Variants in PTBP3 observed in about 807,000 individuals in gnomAD.
PTBP3 encodes polypyrimidine tract binding protein 3.
PTBP3 carries 20 observed loss-of-function variants against 58.7 expected under a neutral mutation model. The observed-to-expected ratio is 0.34, with a 90% CI of 0.24 to 0.50. The LOEUF is 0.50. Ranked by LOEUF, PTBP3 falls within the 20% of genes least tolerant of loss-of-function variation. PTBP3 has a pLI of 0.98. For missense variants in PTBP3, 509 were observed against 637.2 expected (o/e 0.80, Z 2.17); for synonymous variants, 185 against 219.8 (o/e 0.84, Z 1.40).
chr9:112,336,661 C>T (rs1830580170), upstream of PTBP3, among the ~76,000 whole-genome samples: 1 of 151,880 alleles, frequency 6.6e-6, no homozygotes, highest in African/African-American at 2.4e-5. Flanking sequence ...TTATGTCTCT[C>T]TTACCCTTTG....
At chr9:112,359,837 C>T in the PTBP3 span, among the ~76,000 whole-genome samples, 1 of 75,822 alleles carries the variant, frequency 1.3e-5, no homozygotes, top group Admixed American at 1.5e-4. Context: ...AAAAACAAAA[C>T]ACCAAAAAAA....
the PTBP3 span, among the ~76,000 whole-genome samples, chr9:112,376,581 G>T: frequency 6.6e-6 from 1 of 151,978 alleles, no homozygotes; most frequent in Admixed American, 6.6e-5. Context: ...TGATCACAAG[G>T]TCCCATAATA....
At chr9:112,305,439 T>A (rs991780681) in intron 1 of PTBP3, among the ~76,000 whole-genome samples, 3 of 152,042 alleles carry the variant, frequency 2.0e-5, no homozygotes, top group African/African-American at 7.2e-5. Context: ...TATGCCTATA[T>A]AATAGAGTTC....
rs79560083 is a variant in PTBP3, at chr9:112,235,585, G to T, written c.803-688C>A. On this transcript the variant is annotated intron_variant, in intron 7 of 13. Coordinates refer to ENST00000374257, the MANE Select transcript of PTBP3 (RefSeq NM_001163788.4). The stretch of plus-strand genomic sequence containing the variant: ...GTTTTAGCAGACAAATGATTAATTT[G>T]GTTTGGGGGAACATCAAATTTAAGA... Among the ~76,000 whole-genome samples the T allele has an allele frequency of 3.4e-3, 521 of 152,246 alleles. 2 individuals carry two copies. The highest frequency in any genetic ancestry group is 0.012 in the African/African-American group (499 of 41,532).
chr9:112,313,821 A>G (rs117070516), intron 1 of PTBP3, among the ~76,000 whole-genome samples: 8 of 152,300 alleles, frequency 5.3e-5, no homozygotes, highest in Non-Finnish European at 1.2e-4. Context: ...ACCTATCTTA[A>G]ACATAGATAG....
chr9:112,247,858 TACTC>T (rs1835950078), intron 7 of PTBP3, among the ~76,000 whole-genome samples: 2 of 152,160 alleles, frequency 1.3e-5, no homozygotes, highest in African/African-American at 4.8e-5. Flanking sequence ...ATCTGCAACT[TACTC>T]AAGTGGTTTG....
At chr9:112,226,715 G>A (rs908957693) in intron 12 of PTBP3, among the ~76,000 whole-genome samples, 17 of 152,196 alleles carry the variant, frequency 1.1e-4, no homozygotes, top group Non-Finnish European at 8.8e-5. Flanking sequence ...TAAGTAACAC[G>A]TAAGTGAATG....
intron 1 of PTBP3, among the ~76,000 whole-genome samples, chr9:112,322,371 T>G (rs892932454): frequency 6.6e-6 from 1 of 152,140 alleles, no homozygotes; most frequent in East Asian, 1.9e-4. Flanking sequence ...GAAACACTTG[T>G]GAAAGTCACA....
chr9:112,376,843 G>T, the PTBP3 span, among the ~76,000 whole-genome samples: 1 of 152,076 alleles, frequency 6.6e-6, no homozygotes, highest in South Asian at 2.1e-4. Flanking sequence ...ATGTCCTTTG[G>T]CAATACCCTC....
At chr9:112,258,733 G>A (rs7027240) in intron 5 of PTBP3, among the ~76,000 whole-genome samples, 85,188 of 151,930 alleles carry the variant, frequency 0.56, 25,756 homozygotes, top group African/African-American at 0.81. Context: ...AGAAGCCTGT[G>A]TAGGTGGCCC....
the PTBP3 span, among the ~76,000 whole-genome samples, chr9:112,367,829 T>C: frequency 6.6e-6 from 1 of 152,198 alleles, no homozygotes; most frequent in Admixed American, 6.5e-5. Flanking sequence ...GGATGTTCAT[T>C]TCCCTTCCCA....
chr9:112,226,027 G>C (rs1564386068), intron 12 of PTBP3, among the ~76,000 whole-genome samples: 1 of 152,058 alleles, frequency 6.6e-6, no homozygotes, highest in Non-Finnish European at 1.5e-5. Context: ...CTGGGCAACA[G>C]AGGGAGACCC....
rs527667322 is a variant in PTBP3, at chr9:112,219,330, C to CA, written c.*4520dup. 1 of 152,042 alleles carries CA rather than the reference C, an allele frequency of 6.6e-6. No individual in the cohort carries two copies. The highest frequency in any genetic ancestry group is 2.1e-4 in the South Asian group (1 of 4,798). The allele number at this position is 152,042 out of a possible 1,614,324, so 9.4% of individuals were successfully genotyped here. On this transcript the variant is annotated 3_prime_UTR_variant, in exon 14 of 14. Transcript: ENST00000374257. The stretch of plus-strand genomic sequence containing the variant: ...CAGAGTATGATTTTTTTAATGGCAT[C>CA]AAAAAAATAGCTATTTAAATATTTG...
At chr9:112,295,018 T>A (rs922932191) in intron 2 of PTBP3, among the ~76,000 whole-genome samples, 2 of 152,150 alleles carry the variant, frequency 1.3e-5, no homozygotes, top group African/African-American at 4.8e-5. Flanking sequence ...TGCAGGTGGA[T>A]CACTCGAGGT....
At chr9:112,363,516 T>TCACACACACA in the PTBP3 span, among the ~76,000 whole-genome samples, 1,119 of 134,838 alleles carry the variant, frequency 8.3e-3, 12 homozygotes, top group East Asian at 0.02. Flanking sequence ...AGCAAAACTG[T>TCACACACACA]CACACACACA....
intron 1 of PTBP3, among the ~76,000 whole-genome samples, chr9:112,318,539 C>G (rs979139820): frequency 1.2e-4 from 18 of 152,162 alleles, no homozygotes; most frequent in African/African-American, 4.3e-4. Context: ...GTGGGCAGAT[C>G]ACTTGAGGTC....
At chr9:112,345,341 TAAAAAAAA>T in the PTBP3 span, among the ~76,000 whole-genome samples, 9 of 63,696 alleles carry the variant, frequency 1.4e-4, no homozygotes, top group African/African-American at 1.1e-4. Context: ...CCCTCATCTC[TAAAAAAAA>T]AAAAAAAAAA....
downstream of PTBP3, chr9:112,217,845 A>G (rs1564377322): frequency 6.6e-6 from 1 of 152,222 alleles, no homozygotes; most frequent in Admixed American, 6.5e-5. Flanking sequence ...GGAGACTAAA[A>G]TATACAATGA....
intron 3 of PTBP3, chr9:112,272,908 G>C (rs541396710): frequency 6.6e-6 from 1 of 152,236 alleles, no homozygotes; most frequent in East Asian, 1.9e-4. Flanking sequence ...TATAAAATAT[G>C]CATTTGTTAC....
Sources: allele counts gnomAD v4.1 joint callset (sites outside exome capture counted in the v4.1 genomes callset), GRCh38; gene constraint gnomAD v4.1.1; transcripts MANE v1.5; gene names NCBI Gene and HGNC (gene_info 2026-07-23, HGNC 2026-07-21).